The following PMEL variants were observed in gnomAD, a reference collection of about 807,000 sequenced individuals.
PMEL encodes melanocyte protein PMEL.
A neutral mutation model predicts 64.9 loss-of-function variants in PMEL; 53 were observed. The ratio of observed to expected loss-of-function variants is 0.82; its 90% CI spans 0.66 to 1.03. The LOEUF is 1.03. PMEL is among the 50% of genes least tolerant of loss of function. The probability of loss-of-function intolerance (pLI) is 0.00; values close to 1 mark genes in which losing one functional copy is unlikely to be tolerated. For synonymous variants in PMEL, 299 were observed against 316.2 expected, an observed-to-expected ratio of 0.95 and a Z score of 0.58; for missense variants, 716 against 814.9, an observed-to-expected ratio of 0.88 and a Z score of 1.48.
chr12:55,961,792 ACT>A, intron 1 of PMEL, 60 bp from the exon 2 acceptor site: 9 of 1,058,834 alleles, frequency 8.5e-6, no homozygotes, highest in South Asian at 1.3e-5. Context: ...CAGGGATAAC[ACT>A]CTATTCATGT....
chr12:55,961,565 G>GC, intron 2 of PMEL, 57 bp downstream of exon 2: 1 of 1,592,018 alleles, frequency 6.3e-7, no homozygotes, highest in Non-Finnish European at 8.6e-7. Flanking sequence ...AGTTCAGCTT[G>GC]CTTTTTTCCT....
At position 55,957,796 on chromosome 12, in the gene PMEL, G is replaced by T. The variant is rs147683799; in HGVS notation, c.632-125C>A. 1,156 of 1,511,602 alleles carry T rather than the reference G, an allele frequency of 7.6e-4. 13 individuals are homozygous for T. In the African/African-American group the frequency reaches 0.014, roughly 19 times the overall value. The allele number at this position is 1,511,602 out of a possible 1,614,324, so 93.6% of individuals were successfully genotyped here. On this transcript the variant is annotated intron_variant, in intron 5 of 10. Transcript: ENST00000548747. ...CTGGCACTAAGCCTCACATTTCTCT[G>T]CCTAGGTCTTCCTGGCCCTTCTACT... is the stretch of plus-strand genomic sequence containing the variant.
chr12:55,957,130 C>A lies in PMEL; in HGVS notation c.1173G>T (p.Glu391Asp), dbSNP rs201685117. 9.3e-6 allele frequency: 15 copies of A among 1,614,118 alleles called. No individual in the cohort carries two copies. The South Asian group carries it at 1.2e-4, about 13-fold the overall frequency. ...VSEVMGTTLAEMSTPEATGMT... is the reference protein window; with the variant it reads ...VSEVMGTTLADMSTPEATGMT... The stretch of plus-strand genomic sequence containing the variant: ...TACCTGTAGCCTCTGGAGTTGACAT[C>A]TCTGCCAGTGTGGTACCCATGACCT... The change falls in exon 6 of 11, where the codon GAG (glutamate) becomes GAT (aspartate). Residue 391 changes from glutamate to aspartate, a missense_variant. Transcript: ENST00000548747.
intron 1 of PMEL, among the ~76,000 whole-genome samples, chr12:55,965,215 C>T (rs1223062350): frequency 7.9e-5 from 12 of 152,322 alleles, no homozygotes; most frequent in African/African-American, 2.2e-4. Context: ...GCGTGAGCCA[C>T]GGCGCCCGGC....
In PMEL at chr12:55,955,537, C is replaced by T. The variant is rs371165560; in HGVS notation, c.1689G>A (p.Gly563=). 3.7e-6 allele frequency: 6 copies of T among 1,614,152 alleles called. No individual in the cohort carries two copies. The highest frequency in any genetic ancestry group is 5.1e-6 in the Non-Finnish European group (6 of 1,180,024). The change falls in exon 9 of 11, where the codon GGG becomes GGA. Residue 563 remains glycine (G), a synonymous_variant. Transcript: ENST00000548747. ...CCAGAGACACATTGAGGCAGTATGT[C>T]CCCGAGCCACCCTTCAGTATCTGGT... The part of the protein sequence containing the change: ...VLHQILKGGS[G]TYCLNVSLAD...
rs527912731 is a variant in PMEL, at chr12:55,956,605, A to C, written c.1354+344T>G. 5 of 316,534 alleles carry C rather than the reference A, an allele frequency of 1.6e-5. No individual in the cohort carries two copies. In the South Asian group the frequency reaches 2.2e-4, roughly 14 times the overall value. The allele number at this position is 316,534 out of a possible 1,614,324, so 19.6% of individuals were successfully genotyped here. On this transcript the variant is annotated intron_variant, in intron 6 of 10. Transcript: ENST00000548747. ...GAAATGGAAGGATCAGGATCTCGGA[A>C]TCTGGGAAGGATTTTCGTGCATTTA...
In PMEL at chr12:55,957,586, G is replaced by C; in HGVS notation, c.717C>G (p.Thr239=). The C allele has an allele frequency of 1.2e-6, 2 of 1,613,800 alleles. No homozygotes were observed. Among genetic ancestry groups the C allele is most frequent in the Non-Finnish European group, 1.7e-6 (2 of 1,179,936 alleles). Residue 239 remains threonine (T), a synonymous_variant, in exon 6 of 11, where the codon ACC becomes ACG. Transcript: ENST00000548747. ...NKHFLRNQPL[T]FALQLHDPSG... is the part of the protein sequence containing the mutation. ...TGGGGTCATGGAGCTGGAGGGCAAA[G>C]GTCAGAGGCTGATTTCTCAGGAAGT...
Position 55,965,941 on chromosome 12 carries a change from G to A in PMEL, c.71C>T (p.Thr24Ile). ...GTCCACATATCCACACATACCTTTTGTAGCCCCCACAGCCAGCAAAGCACC... is the reference window on the plus strand; with the variant it reads ...GTCCACATATCCACACATACCTTTTATAGCCCCCACAGCCAGCAAAGCACC... ...VIGALLAVGATKVPRNQDWLG... is the reference protein window; with the variant it reads ...VIGALLAVGAIKVPRNQDWLG... The change falls in exon 1 of 11, where the codon ACA becomes ATA. Residue 24 changes from threonine to isoleucine, a missense_variant. Physicochemically the swap from Thr to Ile is moderately conservative, Grantham distance 89. Coordinates refer to ENST00000548747, the MANE Select transcript of PMEL (RefSeq NM_001384361.1). 6.2e-7 allele frequency: 1 copy of A among 1,614,192 alleles called. No homozygotes were observed. Among genetic ancestry groups the A allele is most frequent in the Non-Finnish European group, 8.5e-7 (1 of 1,180,026 alleles).
intron 3 of PMEL, among the ~76,000 whole-genome samples, chr12:55,960,446 C>A (rs1377931966): frequency 6.6e-6 from 1 of 151,378 alleles, no homozygotes; most frequent in South Asian, 2.1e-4. Context: ...CGTGATCATG[C>A]AGTCTCGACC....
At chr12:55,966,673 C>CT, upstream of PMEL, 2 of 1,080,082 alleles carry the variant, frequency 1.9e-6, no homozygotes, top group Non-Finnish European at 2.3e-6. Context: ...AAGAACCAAA[C>CT]TTGCCTGGGG....
chr12:55,961,918 CCT>C (rs1253780909), intron 1 of PMEL, among the ~76,000 whole-genome samples, 186 bp from the exon 2 acceptor site: 2 of 149,822 alleles, frequency 1.3e-5, no homozygotes, highest in East Asian at 4.0e-4. Flanking sequence ...CTCATTGCAA[CCT>C]CTGTCTCCTG....
intron 3 of PMEL, among the ~76,000 whole-genome samples, chr12:55,960,687 C>A (rs1424831031): frequency 6.7e-6 from 1 of 149,880 alleles, no homozygotes; most frequent in Non-Finnish European, 1.5e-5. Context: ...GGACTACATG[C>A]GCCTGCCACC....
chr12:55,957,889 C>T (rs759220632), intron 5 of PMEL, 34 bp downstream of exon 5: 10 of 1,611,238 alleles, frequency 6.2e-6, no homozygotes, highest in Non-Finnish European at 8.5e-6. Flanking sequence ...TTCTCTTGCC[C>T]TACAACTGGC....
chr12:55,958,512 A>G lies in PMEL; in HGVS notation c.430T>C (p.Ser144Pro), dbSNP rs1384162780. The change falls in exon 4 of 11, where the codon TCT becomes CCT. Residue 144 changes from serine (S) to proline (P), a missense_variant. Ser to Pro is a moderately conservative substitution (Grantham distance 74). Coordinates refer to ENST00000548747, the MANE Select transcript of PMEL (RefSeq NM_001384361.1). ...DGGPCPSGSW[S>P]QKRSFVYVWK... ...ACATAAACAAAGCTTCTCTTCTGAG[A>G]CCAAGAGCCAGATGGGCAAGGTCCA... 1.9e-6 allele frequency: 3 copies of G among 1,614,174 alleles called. No individual in the cohort carries two copies. Among genetic ancestry groups the G allele is most frequent in the Non-Finnish European group, 1.7e-6 (2 of 1,180,026 alleles).
At chr12:55,958,352 G>A (rs1592768947) in intron 4 of PMEL, 121 bp downstream of exon 4, 1 of 1,054,418 alleles carries the variant, frequency 9.5e-7, no homozygotes, top group East Asian at 2.4e-5. Flanking sequence ...GATCTAAGAG[G>A]AAAATGAAGA....
chr12:55,962,368 G>A (rs1457181087), intron 1 of PMEL, among the ~76,000 whole-genome samples: 2 of 147,360 alleles, frequency 1.4e-5, no homozygotes, highest in Admixed American at 6.7e-5. Context: ...GCTTGAACCC[G>A]GGAGGCAGAG....
intron 3 of PMEL, 64 bp downstream of exon 3, chr12:55,961,253 C>T: frequency 1.4e-6 from 2 of 1,440,210 alleles, no homozygotes; most frequent in Non-Finnish European, 2.0e-6. Flanking sequence ...ATTCCCTGAG[C>T]TCACTGGGCA....
chr12:55,960,198 C>A, intron 3 of PMEL, among the ~76,000 whole-genome samples: 1 of 126,748 alleles, frequency 7.9e-6, no homozygotes, highest in East Asian at 2.2e-4. Context: ...GCGACACAGC[C>A]AGACTCTGTC....
At chr12:55,962,705 G>A (rs1889151129) in intron 1 of PMEL, among the ~76,000 whole-genome samples, 1 of 150,616 alleles carries the variant, frequency 6.6e-6, no homozygotes, top group Non-Finnish European at 1.5e-5. Flanking sequence ...TGTATTTTTA[G>A]TTTCGCCATG....
Sources: allele counts gnomAD v4.1 joint callset (sites outside exome capture counted in the v4.1 genomes callset), GRCh38; gene constraint gnomAD v4.1.1; transcripts MANE v1.5; gene names NCBI Gene and HGNC (gene_info 2026-07-23, HGNC 2026-07-21).